The following NAA35 variants were observed in gnomAD, a reference collection of about 807,000 sequenced individuals.
NAA35 encodes the protein MAK10 homolog, amino-acid N-acetyltransferase subunit.
Under a neutral mutation model 101.7 loss-of-function variants are expected in NAA35, and 18 were observed. The observed-to-expected ratio is 0.18, with a 90% CI of 0.12 to 0.26. NAA35 has a LOEUF of 0.26. Ranked by LOEUF, NAA35 falls within the 10% of genes least tolerant of loss-of-function variation. The probability of loss-of-function intolerance (pLI) is 1.00; values close to 1 mark genes in which losing one functional copy is unlikely to be tolerated. For missense variants in NAA35, 601 were observed against 886.8 expected, an observed-to-expected ratio of 0.68 and a Z score of 4.09; for synonymous variants, 267 against 273.1, an observed-to-expected ratio of 0.98 and a Z score of 0.22.
At chr9:85,998,117 T>G (rs1831255133) in intron 12 of NAA35, among the ~76,000 whole-genome samples, 1 of 152,120 alleles carries the variant, frequency 6.6e-6, no homozygotes, top group African/African-American at 2.4e-5. Flanking sequence ...GGTTTCATCG[T>G]GTTAGCCAGG....
chr9:85,972,539 G>T (rs1830042757), intron 6 of NAA35, among the ~76,000 whole-genome samples: 1 of 150,570 alleles, frequency 6.6e-6, no homozygotes, highest in African/African-American at 2.4e-5. Context: ...AAAAGGGTCG[G>T]GGGGTGGAGA....
chr9:85,967,546 G>C (rs1008370984), intron 6 of NAA35, among the ~76,000 whole-genome samples: 1 of 152,060 alleles, frequency 6.6e-6, no homozygotes, highest in African/African-American at 2.4e-5. Flanking sequence ...GGTGGCTCAC[G>C]CATGTAATTC....
At chr9:86,016,772 A>C in intron 18 of NAA35, 97 bp downstream of exon 18, 9 of 1,264,946 alleles carry the variant, frequency 7.1e-6, no homozygotes, top group Non-Finnish European at 9.8e-6. Context: ...ATTATATTTT[A>C]GTTCTTGTTC....
At chr9:85,996,942 CTTT>C (rs896987513) in intron 12 of NAA35, among the ~76,000 whole-genome samples, 2 of 144,750 alleles carry the variant, frequency 1.4e-5, no homozygotes, top group East Asian at 4.0e-4. Flanking sequence ...AACTTAAACT[CTTT>C]TTTTTTTTTA....
chr9:86,018,683 T>C lies in NAA35; in HGVS notation c.1915-16T>C. 1 of 1,606,330 alleles carries C rather than the reference T, an allele frequency of 6.2e-7. No individual in the cohort carries two copies. The highest frequency in any genetic ancestry group is 1.3e-5 in the African/African-American group (1 of 74,624). On this transcript the variant is annotated splice_polypyrimidine_tract_variant and intron_variant, in intron 20 of 22. Transcript: ENST00000361671. ...ATATTAAACGTGTTTTGAATTATAC[T>C]TCCCCTTCTTTTTAGGAAATGTCTG...
rs1053712919 is a variant in NAA35 at position 86,022,830 on chromosome 9, G to A, written c.*870G>A. ...CTCCCCTTCCTTTCCTGCTTGTCCT[G>A]TGTCTGCTCTGATGTTTGCGGTGGC... On this transcript the variant is annotated 3_prime_UTR_variant, in exon 23 of 23. Transcript: ENST00000361671. 1.3e-5 allele frequency among the ~76,000 whole-genome samples: 2 copies of A among 152,050 alleles called. No individual in the cohort carries two copies. The highest frequency in any genetic ancestry group is 2.9e-5 in the Non-Finnish European group (2 of 68,008).
intron 12 of NAA35, among the ~76,000 whole-genome samples, chr9:85,997,448 C>T (rs1831212583): frequency 6.7e-6 from 1 of 150,370 alleles, no homozygotes; most frequent in African/African-American, 2.4e-5. Context: ...CTCAAGCTGT[C>T]ATTCCACATC....
intron 11 of NAA35, among the ~76,000 whole-genome samples, chr9:85,995,837 G>A (rs886777943): frequency 1.4e-4 from 22 of 152,238 alleles, no homozygotes; most frequent in African/African-American, 5.1e-4. Flanking sequence ...ACTCTTAGGT[G>A]TCTTACAATA....
At chr9:85,972,922 T>G (rs973063603) in intron 6 of NAA35, among the ~76,000 whole-genome samples, 1 of 152,192 alleles carries the variant, frequency 6.6e-6, no homozygotes, top group Non-Finnish European at 1.5e-5. Context: ...GTATATGTAA[T>G]TAAATACACA....
intron 17 of NAA35, chr9:86,014,368 C>A: frequency 1.0e-6 from 1 of 982,900 alleles, no homozygotes; most frequent in Non-Finnish European, 1.2e-6. Context: ...AGATGATCTT[C>A]GGCAGAGTAG....
intron 21 of NAA35, 110 bp from the exon 22 acceptor site, chr9:86,020,779 G>T: frequency 2.9e-6 from 2 of 693,178 alleles, no homozygotes. Flanking sequence ...TCAGTGAGCC[G>T]TGTTCTTACC....
intron 2 of NAA35, among the ~76,000 whole-genome samples, chr9:85,943,624 TG>T (rs1828621784): frequency 6.6e-6 from 1 of 152,224 alleles, no homozygotes; most frequent in Admixed American, 6.5e-5. Flanking sequence ...TGCCTATGTA[TG>T]TCTATCTAAG....
At chr9:85,964,741 A>G (rs1183995908) in intron 6 of NAA35, among the ~76,000 whole-genome samples, 1 of 152,224 alleles carries the variant, frequency 6.6e-6, no homozygotes. Flanking sequence ...TGGCTGGAAT[A>G]TAACATAAGT....
chr9:86,007,653 T>G (rs1345429122), intron 14 of NAA35, among the ~76,000 whole-genome samples, 189 bp downstream of exon 14: 1 of 152,176 alleles, frequency 6.6e-6, no homozygotes, highest in Non-Finnish European at 1.5e-5. Flanking sequence ...TTTATGAGGT[T>G]GACAAAATTT....
At chr9:85,997,550 C>T (rs973490975) in intron 12 of NAA35, among the ~76,000 whole-genome samples, 1 of 152,024 alleles carries the variant, frequency 6.6e-6, no homozygotes, top group African/African-American at 2.4e-5. Flanking sequence ...ACCATTTTGC[C>T]CAGGCTGGTC....
chr9:86,007,240 A>T, intron 13 of NAA35, 118 bp from the exon 14 acceptor site: 1 of 640,080 alleles, frequency 1.6e-6, no homozygotes, highest in East Asian at 2.9e-5. Context: ...AAAAATTTTC[A>T]CAAACTTTTT....
chr9:86,011,522 T>C (rs57475068), intron 15 of NAA35, among the ~76,000 whole-genome samples: 13,543 of 150,562 alleles, frequency 0.09, 1,952 homozygotes, highest in African/African-American at 0.3. Flanking sequence ...CCACACCTGG[T>C]TAATTTTTTT....
chr9:86,007,397 C>T lies in NAA35; in HGVS notation c.1156C>T (p.His386Tyr). 1 of 1,613,890 alleles carries T rather than the reference C, an allele frequency of 6.2e-7. No individual in the cohort carries two copies. The highest frequency in any genetic ancestry group is 8.5e-7 in the Non-Finnish European group (1 of 1,179,858). Residue 386 changes from histidine to tyrosine, a missense_variant, in exon 14 of 23, where the codon CAT (histidine) becomes TAT (tyrosine). Physicochemically the swap from His to Tyr is moderately conservative, Grantham distance 83. Around this residue, in one of 8 missense-constraint regions of NAA35, gnomAD observed 190 missense variants for 223.1 expected, o/e 0.85. Transcript: ENST00000361671. ...GGATAACAAAAAGGTCTTTGGAACTCATCTCATGCAAGACATGGTGAAAGA... is the reference window on the plus strand; with the variant it reads ...GGATAACAAAAAGGTCTTTGGAACTTATCTCATGCAAGACATGGTGAAAGA... ...LVDNKKVFGTHLMQDMVKDAL... is the reference protein window; with the variant it reads ...LVDNKKVFGTYLMQDMVKDAL...
intron 4 of NAA35, among the ~76,000 whole-genome samples, chr9:85,959,170 A>G (rs1370025322): frequency 6.6e-6 from 1 of 151,958 alleles, no homozygotes. Flanking sequence ...AGGTCAGGAG[A>G]TCAAGACCAT....
Sources: allele counts gnomAD v4.1 joint callset (sites outside exome capture counted in the v4.1 genomes callset), GRCh38; gene constraint gnomAD v4.1.1; regional missense constraint gnomAD v4.1.1; transcripts MANE v1.5; gene names NCBI Gene and HGNC (gene_info 2026-07-23, HGNC 2026-07-21).